The following FOXN3 variants were observed in gnomAD, a reference collection of about 807,000 sequenced individuals.
FOXN3 encodes forkhead box protein N3.
A neutral mutation model predicts 38.4 loss-of-function variants in FOXN3; 7 were observed. The ratio of observed to expected loss-of-function variants is 0.18; its 90% CI spans 0.10 to 0.34. The LOEUF (loss-of-function observed/expected upper bound fraction) is 0.34. Ranked by LOEUF, FOXN3 falls within the 10% of genes least tolerant of loss-of-function variation. The pLI is 1.00. For missense variants in FOXN3, 456 were observed against 613.4 expected, an observed-to-expected ratio of 0.74 and a Z score of 2.71; for synonymous variants, 230 against 242.2, an observed-to-expected ratio of 0.95 and a Z score of 0.47.
At chr14:89,460,828 G>A (rs1196297886) in intron 1 of FOXN3, among the ~76,000 whole-genome samples, 8 of 145,394 alleles carry the variant, frequency 5.5e-5, no homozygotes, top group African/African-American at 1.3e-4. Flanking sequence ...GTTGGAGTTC[G>A]AGACCAGCCT....
At position 89,327,791 on chromosome 14, in the gene FOXN3, G is replaced by A. The variant is rs183126960; in HGVS notation, c.680+22881C>T. On this transcript the variant is annotated intron_variant, in intron 3 of 5. Coordinates refer to ENST00000557258, the MANE Select transcript of FOXN3 (RefSeq NM_005197.4). ...CTCCTCACAAAGGCTGGCTAATCTC[G>A]AAGTTTCCAGTCTTTAAACATTATA... 9.5e-4 allele frequency among the ~76,000 whole-genome samples: 145 copies of A among 152,274 alleles called. 1 individual carries two copies. Among genetic ancestry groups the A allele is most frequent in the Non-Finnish European group, 1.9e-3 (131 of 68,028 alleles).
intron 1 of FOXN3, among the ~76,000 whole-genome samples, chr14:89,525,976 A>G (rs962279058): frequency 6.6e-6 from 1 of 152,050 alleles, no homozygotes; most frequent in Non-Finnish European, 1.5e-5. Context: ...AGAAAGATCA[A>G]TCAATAAAAT....
chr14:89,304,944 T>C (rs1450103334), intron 3 of FOXN3, among the ~76,000 whole-genome samples: 1 of 133,610 alleles, frequency 7.5e-6, no homozygotes. Flanking sequence ...TGTAGTTTCT[T>C]AAAAAAAAAA....
chr14:89,375,984 T>C (rs1188161180), intron 2 of FOXN3, among the ~76,000 whole-genome samples: 2 of 152,126 alleles, frequency 1.3e-5, no homozygotes, highest in African/African-American at 4.8e-5. Context: ...GATTTCACCA[T>C]GTTGGCCAGG....
chr14:89,500,844 C>T (rs1246189145), intron 1 of FOXN3, among the ~76,000 whole-genome samples: 2 of 152,242 alleles, frequency 1.3e-5, no homozygotes, highest in African/African-American at 4.8e-5. Context: ...GAAGGCCTCA[C>T]TCTGAGGATG....
At chr14:89,185,075 G>A (rs1887768868) in intron 4 of FOXN3, among the ~76,000 whole-genome samples, 1 of 152,110 alleles carries the variant, frequency 6.6e-6, no homozygotes, top group African/African-American at 2.4e-5. Flanking sequence ...AAGACTCCTG[G>A]CATGTAGACT....
At chr14:89,444,979 T>G (rs900919279) in intron 1 of FOXN3, among the ~76,000 whole-genome samples, 25 of 151,812 alleles carry the variant, frequency 1.6e-4, no homozygotes, top group African/African-American at 6.0e-4. Context: ...AAAAATTAGC[T>G]GGACATGGTA....
At chr14:89,512,534 G>C (rs1050253905) in intron 1 of FOXN3, among the ~76,000 whole-genome samples, 1 of 152,232 alleles carries the variant, frequency 6.6e-6, no homozygotes, top group African/African-American at 2.4e-5. Flanking sequence ...ATTCTAGTAA[G>C]GTTTGTTTGT....
At chr14:89,225,100 G>A (rs1884590635) in intron 4 of FOXN3, among the ~76,000 whole-genome samples, 1 of 145,350 alleles carries the variant, frequency 6.9e-6, no homozygotes. Flanking sequence ...CTGCACTCCA[G>A]CCTGGCGACA....
At chr14:89,263,766 G>C (rs1885880640) in intron 4 of FOXN3, 1 of 152,200 alleles carries the variant, frequency 6.6e-6, no homozygotes, top group Non-Finnish European at 1.5e-5. Flanking sequence ...AATTTACCAT[G>C]TAATTGCCAG....
intron 1 of FOXN3, among the ~76,000 whole-genome samples, chr14:89,540,267 A>G (rs1393892186): frequency 6.6e-6 from 1 of 152,248 alleles, no homozygotes; most frequent in Non-Finnish European, 1.5e-5. Flanking sequence ...GGTTAGATCA[A>G]GACCTTGAAA....
intron 1 of FOXN3, among the ~76,000 whole-genome samples, chr14:89,439,227 G>A (rs1490928560): frequency 2.6e-5 from 4 of 152,112 alleles, no homozygotes; most frequent in Non-Finnish European, 5.9e-5. Flanking sequence ...GGTACTCTCA[G>A]AGGCACGTAA....
At chr14:89,593,441 C>T (rs1895998373) in intron 1 of FOXN3, among the ~76,000 whole-genome samples, 1 of 152,078 alleles carries the variant, frequency 6.6e-6, no homozygotes, top group African/African-American at 2.4e-5. Flanking sequence ...GAGTTCGAGA[C>T]CAGCCTGGCC....
rs761579795 is a variant in FOXN3, at chr14:89,318,157, C to CTTT, written c.680+32514_680+32515insAAA. Reference sequence around the variant, plus strand: ...CCTTTTTCTTTTCTTTCTTCTTCTTCTTCTCTTTTTTTTTTTTTGAGGCGG... The same window carrying CTTT: ...CCTTTTTCTTTTCTTTCTTCTTCTTCTTTTTCTCTTTTTTTTTTTTTGAGGCGG... On this transcript the variant is annotated intron_variant, in intron 3 of 5. Transcript: ENST00000557258. Among the ~76,000 whole-genome samples the CTTT allele has an allele frequency of 3.1e-4, 23 of 74,962 alleles. 1 individual carries two copies. Among genetic ancestry groups the CTTT allele is most frequent in the African/African-American group, 1.3e-3 (21 of 16,754 alleles). The allele number at this position is 74,962 out of a possible 152,430, so 49.2% of individuals were successfully genotyped here.
chr14:89,359,784 G>T (rs2140024401), intron 2 of FOXN3, among the ~76,000 whole-genome samples: 2 of 152,320 alleles, frequency 1.3e-5, no homozygotes, highest in Non-Finnish European at 1.5e-5. Context: ...TACTGCAAGG[G>T]AGCAGGACAG....
chr14:89,272,076 G>A (rs1044996184), intron 4 of FOXN3, among the ~76,000 whole-genome samples: 5 of 152,186 alleles, frequency 3.3e-5, no homozygotes, highest in Admixed American at 2.0e-4. Context: ...TTGGGAGGCC[G>A]AGGCGGGTGG....
chr14:89,393,264 G>T (rs920653956), intron 2 of FOXN3, among the ~76,000 whole-genome samples: 2 of 152,116 alleles, frequency 1.3e-5, no homozygotes, highest in Admixed American at 6.5e-5. Context: ...TTATAAGAAT[G>T]CCAGTTACAT....
At chr14:89,505,648 G>C (rs1252922209) in intron 1 of FOXN3, among the ~76,000 whole-genome samples, 2 of 152,086 alleles carry the variant, frequency 1.3e-5, no homozygotes, top group African/African-American at 4.8e-5. Flanking sequence ...CCAGCTGCCT[G>C]CCTTGGCCCC....
At chr14:89,195,423 G>C (rs1888072453) in intron 4 of FOXN3, among the ~76,000 whole-genome samples, 1 of 152,244 alleles carries the variant, frequency 6.6e-6, no homozygotes, top group South Asian at 2.1e-4. Flanking sequence ...TACCTCTTTA[G>C]ATAGCAGAGG....
Sources: gnomAD v4.1 joint callset for allele counts (sites outside exome capture counted in the v4.1 genomes callset) on GRCh38, gnomAD v4.1.1 for gene constraint, MANE v1.5 for transcripts, NCBI Gene and HGNC (gene_info 2026-07-23, HGNC 2026-07-21) for gene names.